SMAP1: variants seen among roughly 807,000 people sequenced by gnomAD.
SMAP1 encodes stromal membrane-associated protein 1.
In SMAP1, 24 loss-of-function variants were observed where a neutral mutation model predicts 58.5. That is an observed-to-expected ratio of 0.41 (90% CI 0.30 to 0.58). The LOEUF is 0.58. SMAP1 is among the 20% of genes least tolerant of loss of function. The pLI, the probability that SMAP1 is intolerant of heterozygous loss-of-function variation, is 0.29. For missense variants in SMAP1, 563 were observed against 566.3 expected (o/e 0.99, Z 0.06); for synonymous variants, 216 against 196.6 (o/e 1.10, Z -0.82).
chr6:70,782,034 G>A (rs1482465991), intron 4 of SMAP1, among the ~76,000 whole-genome samples: 3 of 152,208 alleles, frequency 2.0e-5, no homozygotes, highest in East Asian at 1.9e-4. Context: ...TTTCTACTGC[G>A]TATTATCTCA....
intron 1 of SMAP1, among the ~76,000 whole-genome samples, chr6:70,725,364 C>T (rs1768730557): frequency 6.6e-6 from 1 of 151,942 alleles, no homozygotes; most frequent in Admixed American, 6.6e-5. Context: ...GATCTACCCG[C>T]CTCGGCCTCC....
At chr6:70,762,323 G>A (rs1766784462) in intron 3 of SMAP1, among the ~76,000 whole-genome samples, 1 of 151,998 alleles carries the variant, frequency 6.6e-6, no homozygotes, top group Admixed American at 6.6e-5. Flanking sequence ...TCGCTTTGGA[G>A]AGCTATGAAG....
intron 1 of SMAP1, among the ~76,000 whole-genome samples, chr6:70,681,810 GA>G (rs1181053438): frequency 6.6e-6 from 1 of 152,150 alleles, no homozygotes; most frequent in Non-Finnish European, 1.5e-5. Flanking sequence ...GTTGCTTGTG[GA>G]ATCTTTAGAA....
At chr6:70,814,798 T>C (rs1769546885) in intron 6 of SMAP1, among the ~76,000 whole-genome samples, 1 of 152,154 alleles carries the variant, frequency 6.6e-6, no homozygotes, top group African/African-American at 2.4e-5. Context: ...TTGAGATTGG[T>C]GGTAGATTAA....
chr6:70,837,157 G>A, intron 7 of SMAP1, 129 bp downstream of exon 7: 1 of 594,630 alleles, frequency 1.7e-6, no homozygotes, highest in Non-Finnish European at 2.7e-6. Flanking sequence ...AAAATGGTAT[G>A]ATTAGTTTGC....
intron 6 of SMAP1, among the ~76,000 whole-genome samples, chr6:70,831,984 CATT>C (rs1333466683): frequency 6.6e-6 from 1 of 151,948 alleles, no homozygotes; most frequent in Non-Finnish European, 1.5e-5. Flanking sequence ...GGTGGTGTCT[CATT>C]GTGGTTTTGA....
intron 5 of SMAP1, among the ~76,000 whole-genome samples, chr6:70,794,117 G>A (rs1206236756): frequency 1.3e-5 from 2 of 152,166 alleles, no homozygotes; most frequent in African/African-American, 4.8e-5. Flanking sequence ...GGACTTGAAT[G>A]TTTAACCAGT....
chr6:70,833,881 C>A (rs1290341785), intron 6 of SMAP1, among the ~76,000 whole-genome samples: 1 of 152,124 alleles, frequency 6.6e-6, no homozygotes, highest in African/African-American at 2.4e-5. Flanking sequence ...TTTAGGATTT[C>A]TCTTATTCTC....
At chr6:70,741,312 A>G (rs530387925) in intron 2 of SMAP1, among the ~76,000 whole-genome samples, 1 of 152,386 alleles carries the variant, frequency 6.6e-6, no homozygotes, top group East Asian at 1.9e-4. Flanking sequence ...CAGTGGGAAT[A>G]CAGGCATTGG....
chr6:70,668,604 C>T (rs547503102), intron 1 of SMAP1: 3 of 1,535,808 alleles, frequency 2.0e-6, no homozygotes, highest in Admixed American at 3.9e-5. Context: ...CCTCCCACTC[C>T]GGGCTCGGAT....
chr6:70,855,530 T>TAA (rs1250006876), intron 8 of SMAP1, among the ~76,000 whole-genome samples: 3 of 152,226 alleles, frequency 2.0e-5, no homozygotes, highest in South Asian at 2.1e-4. Context: ...GAACAGATAC[T>TAA]AAGTGTGATA....
chr6:70,709,260 G>A (rs139222619), intron 1 of SMAP1, among the ~76,000 whole-genome samples: 1 of 152,160 alleles, frequency 6.6e-6, no homozygotes, highest in East Asian at 1.9e-4. Context: ...TTTCTATGCT[G>A]TTTCATTAGT....
At chr6:70,809,623 A>C (rs1263171208) in intron 6 of SMAP1, among the ~76,000 whole-genome samples, 1 of 152,216 alleles carries the variant, frequency 6.6e-6, no homozygotes, top group Non-Finnish European at 1.5e-5. Context: ...TCTCATTGTA[A>C]TTTAAGCTAA....
intron 6 of SMAP1, among the ~76,000 whole-genome samples, chr6:70,830,939 T>C (rs1283223179): frequency 6.6e-6 from 1 of 152,218 alleles, no homozygotes; most frequent in African/African-American, 2.4e-5. Flanking sequence ...TTGATTAATC[T>C]GGATTATTTA....
At chr6:70,783,039 A>G (rs1411504159) in intron 4 of SMAP1, among the ~76,000 whole-genome samples, 2 of 152,178 alleles carry the variant, frequency 1.3e-5, no homozygotes, top group African/African-American at 4.8e-5. Flanking sequence ...ATCCCCTAGT[A>G]GGGGCAGACT....
At chr6:70,750,504 T>G (rs1379062587) in intron 2 of SMAP1, among the ~76,000 whole-genome samples, 12 of 152,238 alleles carry the variant, frequency 7.9e-5, no homozygotes, top group Non-Finnish European at 1.5e-5. Flanking sequence ...GTTTTAATGC[T>G]AAAACTGTGA....
chr6:70,826,824 G>T (rs1279438989), intron 6 of SMAP1, among the ~76,000 whole-genome samples: 1 of 151,646 alleles, frequency 6.6e-6, no homozygotes, highest in African/African-American at 2.4e-5. Flanking sequence ...CAGCTCCTTG[G>T]GAGGCTGAGG....
At chr6:70,847,611 T>A (rs1166016790) in intron 7 of SMAP1, among the ~76,000 whole-genome samples, 3 of 152,144 alleles carry the variant, frequency 2.0e-5, no homozygotes, top group African/African-American at 4.8e-5. Flanking sequence ...TTTCAAGGGG[T>A]CCTTTGTGCT....
rs1415384395 is a variant in SMAP1 at position 70,723,734 on chromosome 6, C to G, written c.119-8644C>G. 1.1e-4 allele frequency among the ~76,000 whole-genome samples: 17 copies of G among 152,076 alleles called. 1 individual carries two copies. On this transcript the variant is annotated intron_variant, in intron 1 of 10. Coordinates refer to ENST00000370455, the MANE Select transcript of SMAP1 (RefSeq NM_001044305.3). Reference sequence around the variant, plus strand: ...TAACAGTGTGTTGATGTAGTAGACTCTTGGTAAATCTTTGTGAGGTGAATG... The same window carrying G: ...TAACAGTGTGTTGATGTAGTAGACTGTTGGTAAATCTTTGTGAGGTGAATG...
Sources: allele counts gnomAD v4.1 joint callset (sites outside exome capture counted in the v4.1 genomes callset), GRCh38; gene constraint gnomAD v4.1.1; transcripts MANE v1.5; gene names NCBI Gene and HGNC (gene_info 2026-07-23, HGNC 2026-07-21).